The following FREM3 variants were observed in gnomAD, a reference collection of about 807,000 sequenced individuals.
FREM3 encodes the protein FRAS1-related extracellular matrix protein 3.
Under a neutral mutation model 129.1 loss-of-function variants are expected in FREM3, and 105 were observed. The ratio of observed to expected loss-of-function variants is 0.81; its 90% CI spans 0.69 to 0.96. FREM3 has a LOEUF of 0.96. FREM3 is among the 40% of genes least tolerant of loss of function. The pLI is 0.00. For synonymous variants in FREM3, 1,014 were observed against 1,044.9 expected (o/e 0.97, Z 0.57); for missense variants, 2,593 against 2,666.3 (o/e 0.97, Z 0.61).
At chr4:143,578,838 A>G (rs1458846602) in intron 7 of FREM3, among the ~76,000 whole-genome samples, 1 of 152,220 alleles carries the variant, frequency 6.6e-6, no homozygotes, top group East Asian at 1.9e-4. Flanking sequence ...AAAAGCAGAC[A>G]TGACAGCTAA....
At position 143,657,165 on chromosome 4, in the gene FREM3, C is replaced by T. The variant is rs546070074; in HGVS notation, c.5276-29405G>A. ...CACATTTTACCATTTCCTAGTCATACTCAATTAAACTGTTTCTGCAACACA... is the reference window on the plus strand; with the variant it reads ...CACATTTTACCATTTCCTAGTCATATTCAATTAAACTGTTTCTGCAACACA... On this transcript the variant is annotated intron_variant, in intron 2 of 7. Transcript: ENST00000329798. Among the ~76,000 whole-genome samples, 96 of 152,282 alleles carry T rather than the reference C, an allele frequency of 6.3e-4. 1 individual carries two copies. In the South Asian group the frequency reaches 0.019, roughly 31 times the overall value.
chr4:143,627,106 G>A (rs898862527), intron 3 of FREM3, among the ~76,000 whole-genome samples: 5 of 152,008 alleles, frequency 3.3e-5, no homozygotes, highest in Admixed American at 2.6e-4. Flanking sequence ...TTCTGTACTA[G>A]GTCCTTGTAG....
chr4:143,625,824 A>G (rs759703143), intron 3 of FREM3, among the ~76,000 whole-genome samples: 2 of 152,226 alleles, frequency 1.3e-5, no homozygotes, highest in African/African-American at 2.4e-5. Flanking sequence ...ATTGTGTTTG[A>G]TGAGTGCCAC....
intron 2 of FREM3, among the ~76,000 whole-genome samples, chr4:143,642,236 C>T (rs970802876): frequency 5.9e-5 from 9 of 152,140 alleles, no homozygotes; most frequent in Non-Finnish European, 1.0e-4. Context: ...CCAAAGCAAT[C>T]TACAGATTTA....
chr4:143,698,639 G>T lies in FREM3; in HGVS notation c.2037C>A (p.Asp679Glu). 6 of 1,537,822 alleles carry T rather than the reference G, an allele frequency of 3.9e-6. No homozygotes were observed. The highest frequency in any genetic ancestry group is 5.2e-6 in the Non-Finnish European group (6 of 1,147,040). Residue 679 changes from aspartate (D) to glutamate (E), a missense_variant, in exon 1 of 8, where the codon GAC (aspartate) becomes GAA (glutamate). Physicochemically the swap from Asp to Glu is conservative, Grantham distance 45. Coordinates refer to ENST00000329798, the MANE Select transcript of FREM3 (RefSeq NM_001168235.2). ...GTTTGGAGAGATTGGGTGGGTCATG[G>T]TCATCCTGCACATGGAAAGCCAGCT... Reference protein sequence around the residue: ...MVQLAFHVQDDHDPPNLSKQH... With the variant: ...MVQLAFHVQDEHDPPNLSKQH...
intron 2 of FREM3, among the ~76,000 whole-genome samples, chr4:143,682,352 A>T (rs1740268858): frequency 6.6e-6 from 1 of 152,160 alleles, no homozygotes; most frequent in Non-Finnish European, 1.5e-5. Flanking sequence ...AGTGCGGTTG[A>T]GTCCTGGTTT....
At chr4:143,686,704 A>G (rs1740371813) in intron 2 of FREM3, among the ~76,000 whole-genome samples, 1 of 152,216 alleles carries the variant, frequency 6.6e-6, no homozygotes, top group South Asian at 2.1e-4. Context: ...CATGGAAATT[A>G]AATAACCTGC....
intron 2 of FREM3, among the ~76,000 whole-genome samples, chr4:143,654,834 T>G (rs1739572431): frequency 6.6e-6 from 1 of 152,240 alleles, no homozygotes; most frequent in South Asian, 2.1e-4. Flanking sequence ...AAACTGTATT[T>G]GCAAACTTGT....
In FREM3 at chr4:143,606,371, CT is replaced by C. The variant is rs34964024; in HGVS notation, c.6028+4907del. 8.7e-3 allele frequency among the ~76,000 whole-genome samples: 1,283 copies of C among 147,166 alleles called. 13 individuals carry two copies. Among genetic ancestry groups the C allele is most frequent in the African/African-American group, 0.028 (1,127 of 40,284 alleles). On this transcript the variant is annotated intron_variant, in intron 6 of 7. Coordinates refer to ENST00000329798, the MANE Select transcript of FREM3 (RefSeq NM_001168235.2). The stretch of plus-strand genomic sequence containing the variant: ...ATTACTATATTATGGAATATAGTAA[CT>C]TTTTTTTTTTTTGCAAACACTTGAA...
At chr4:143,626,654 T>C (rs549800671) in intron 3 of FREM3, among the ~76,000 whole-genome samples, 1 of 152,242 alleles carries the variant, frequency 6.6e-6, no homozygotes, top group East Asian at 1.9e-4. Flanking sequence ...TAACCTGGAA[T>C]GTAGGCCGAG....
Position 143,695,759 on chromosome 4 carries a change from G to A in FREM3, c.4917C>T (p.Ala1639=), listed in dbSNP as rs771933728. 1 of 1,537,248 alleles carries A rather than the reference G, an allele frequency of 6.5e-7. No individual in the cohort carries two copies. Among genetic ancestry groups the A allele is most frequent in the Non-Finnish European group, 8.7e-7 (1 of 1,146,912 alleles). ...HTDFYVLPDT[A]LATHKPQVMR... ...TTACTTGAGGTTTGTGTGTCGCCAG[G>A]GCAGTGTCTGGTAGGACATAGAAAT... Residue 1639 remains alanine, a synonymous_variant, in exon 1 of 8, where the codon GCC becomes GCT. Transcript: ENST00000329798.
In FREM3 at chr4:143,699,573, T is replaced by C; in HGVS notation, c.1103A>G (p.Asp368Gly). ...GQQGYVVSTD[D>G]PLGLPVSFFT... is the part of the protein sequence containing the mutation. ...GAAGGAGACTGGAAGCCCTAGAGGGTCGTCGGTGCTGACCACGTAGCCCTG... is the reference window on the plus strand; with the variant it reads ...GAAGGAGACTGGAAGCCCTAGAGGGCCGTCGGTGCTGACCACGTAGCCCTG... Residue 368 changes from aspartate (D) to glycine (G), a missense_variant, in exon 1 of 8, where the codon GAC becomes GGC. Coordinates refer to ENST00000329798, the MANE Select transcript of FREM3 (RefSeq NM_001168235.2). The surrounding 1 kb of genome is among the most constrained non-coding windows in gnomAD (Gnocchi z 4.2). 6.5e-7 allele frequency: 1 copy of C among 1,535,664 alleles called. No individual in the cohort carries two copies. The highest frequency in any genetic ancestry group is 8.7e-7 in the Non-Finnish European group (1 of 1,146,006).
At chr4:143,677,868 A>G (rs1385135701) in intron 2 of FREM3, among the ~76,000 whole-genome samples, 1 of 152,240 alleles carries the variant, frequency 6.6e-6, no homozygotes, top group Admixed American at 6.5e-5. Context: ...TAGAATGGCT[A>G]TCATTAAAAA....
intron 2 of FREM3, among the ~76,000 whole-genome samples, chr4:143,634,027 C>G (rs1167459730): frequency 6.6e-6 from 1 of 152,102 alleles, no homozygotes; most frequent in Non-Finnish European, 1.5e-5. Context: ...ACTCACAGAG[C>G]CCAAACAGGG....
At chr4:143,689,257 A>C (rs537902896) in intron 2 of FREM3, among the ~76,000 whole-genome samples, 2 of 152,286 alleles carry the variant, frequency 1.3e-5, no homozygotes, top group Admixed American at 1.3e-4. Context: ...TATACAAATG[A>C]CCAACAAACA....
intron 2 of FREM3, among the ~76,000 whole-genome samples, chr4:143,660,981 T>G (rs1377767246): frequency 6.6e-6 from 1 of 152,220 alleles, no homozygotes; most frequent in African/African-American, 2.4e-5. Flanking sequence ...AAGGAGATTT[T>G]GGGTTGAGAC....
At chr4:143,586,702 T>C (rs990464513) in intron 6 of FREM3, among the ~76,000 whole-genome samples, 2 of 152,178 alleles carry the variant, frequency 1.3e-5, no homozygotes, top group African/African-American at 4.8e-5. Flanking sequence ...GCCAAGCAAA[T>C]ACACTTATCC....
rs1220998661 is a variant in FREM3 at position 143,577,852 on chromosome 4, G to A, written c.6179C>T (p.Ala2060Val). The A allele has an allele frequency of 2.0e-6, 3 of 1,534,164 alleles. No individual in the cohort carries two copies. In the Admixed American group the frequency reaches 5.9e-5, roughly 30 times the overall value. Residue 2060 changes from alanine (A) to valine (V), a missense_variant and splice_region_variant, in exon 8 of 8, where the codon GCT becomes GTT. Physicochemically the swap from Ala to Val is moderately conservative, Grantham distance 64. Transcript: ENST00000329798. ...SRKSEQESAE[A>V]GTDYVGISRN... ...GCTGATACCAACATAATCTGTTCCA[G>A]CTAGTGAAAAAGGAAAAGGCACTGG...
At chr4:143,630,242 A>C (rs1049399423) in intron 2 of FREM3, among the ~76,000 whole-genome samples, 1 of 152,152 alleles carries the variant, frequency 6.6e-6, no homozygotes, top group African/African-American at 2.4e-5. Context: ...GTGCTCAATA[A>C]ATGTGGGTTC....
Sources: allele counts gnomAD v4.1 joint callset (sites outside exome capture counted in the v4.1 genomes callset), GRCh38; gene constraint gnomAD v4.1.1; non-coding constraint Gnocchi (gnomAD v3.1); transcripts MANE v1.5; gene names NCBI Gene and HGNC (gene_info 2026-07-23, HGNC 2026-07-21).